The following RBP3 variants were observed in gnomAD, a reference collection of about 807,000 sequenced individuals.
The protein encoded by RBP3 is retinol-binding protein 3.
In RBP3, 50 loss-of-function variants were observed where a neutral mutation model predicts 64.8. The observed-to-expected ratio is 0.77, with a 90% CI of 0.61 to 0.98. The LOEUF is 0.98. RBP3 is among the 50% of genes least tolerant of loss of function. The pLI is 0.00. For synonymous variants in RBP3, 828 were observed against 730.2 expected (o/e 1.13, Z -2.16); for missense variants, 1,712 against 1,660.5 (o/e 1.03, Z -0.54).
Position 47,350,486 on chromosome 10 carries a change from C to G in RBP3, c.2002C>G (p.Leu668Val), listed in dbSNP as rs782017531. Residue 668 changes from leucine (L) to valine (V), a missense_variant, in exon 1 of 4, where the codon CTG (leucine) becomes GTG (valine). Leu to Val is a conservative substitution (Grantham distance 32). Transcript: ENST00000584701. ...GACCAGTGCCCTCCTGCGGGCCAAG[C>G]TGGCCCAGGGCGCCTACCGCACAGC... ...GQTSALLRAK[L>V]AQGAYRTAVD... is the part of the protein sequence containing the mutation. 1 of 1,612,572 alleles carries G rather than the reference C, an allele frequency of 6.2e-7. No homozygotes were observed. Among genetic ancestry groups the G allele is most frequent in the African/African-American group, 1.3e-5 (1 of 74,954 alleles).
Position 47,350,974 on chromosome 10 carries a change from C to T in RBP3, c.2490C>T (p.Ala830=), listed in dbSNP as rs201066117. ...AGGTGTGGACCTTGCCCCAGGTCGC[C>T]GGCCAGCGCTACGGCTCACACAAGG... ...VTEVWTLPQV[A]GQRYGSHKDL... The change falls in exon 1 of 4, where the codon GCC becomes GCT. Residue 830 remains alanine (A), a synonymous_variant. Transcript: ENST00000584701. 8.7e-5 allele frequency: 140 copies of T among 1,612,282 alleles called. No homozygotes were observed. In the East Asian group the frequency reaches 2.3e-3, roughly 27 times the overall value.
intron 1 of RBP3, 72 bp downstream of exon 1, chr10:47,351,610 C>T: frequency 1.3e-6 from 2 of 1,553,654 alleles, no homozygotes; most frequent in East Asian, 2.2e-5. Flanking sequence ...ACATGCAGGG[C>T]TCTGTGCACA....
chr10:47,355,245 G>A lies in RBP3; in HGVS notation c.3246-131G>A, dbSNP rs1555211900. ...GCCAACCCATGGAATTCTAAAGGAG[G>A]AAGAGGCACTAGACTGAGGCTGCCA... On this transcript the variant is annotated intron_variant, in intron 2 of 3. Transcript: ENST00000584701. The A allele has an allele frequency of 1.5e-5, 15 of 1,029,444 alleles. 1 individual carries two copies. In the South Asian group the frequency reaches 1.8e-4, roughly 13 times the overall value. The allele number at this position is 1,029,444 out of a possible 1,614,324, so 63.8% of individuals were successfully genotyped here. A position where few individuals can be genotyped will look rare whatever the true frequency, so the allele number is the denominator to read the frequency against.
rs1555211533 is a variant in RBP3 at position 47,351,200 on chromosome 10, G to A, written c.2716G>A (p.Ala906Thr). 6.2e-7 allele frequency: 1 copy of A among 1,613,290 alleles called. No individual in the cohort carries two copies. The highest frequency in any genetic ancestry group is 1.7e-5 in the Admixed American group (1 of 60,030). Residue 906 changes from alanine to threonine, a missense_variant, in exon 1 of 4, where the codon GCC (alanine) becomes ACC (threonine). Ala to Thr is a moderately conservative substitution (Grantham distance 58). Transcript: ENST00000584701. ...QMAMSATTGK[A>T]WDLAGVEPDI... ...GGCCATGAGTGCCACCACAGGCAAG[G>A]CCTGGGACCTGGCTGGTGTGGAGCC...
In RBP3 at chr10:47,355,532, C is replaced by G. The variant is rs782473353; in HGVS notation, c.3388+14C>G. The G allele has an allele frequency of 1.9e-6, 3 of 1,613,998 alleles. No individual in the cohort carries two copies. The highest frequency in any genetic ancestry group is 8.5e-7 in the Non-Finnish European group (1 of 1,180,006). On this transcript the variant is annotated intron_variant, in intron 3 of 3. Transcript: ENST00000584701. ...CCCAGGTTGTAGGTACGTGGAGAAGCTTTCTCCTTTCTGCTGTCATTCTAG... is the reference window on the plus strand; with the variant it reads ...CCCAGGTTGTAGGTACGTGGAGAAGGTTTCTCCTTTCTGCTGTCATTCTAG...
At chr10:47,353,053 G>C (rs1219295311) in intron 1 of RBP3, among the ~76,000 whole-genome samples, 1 of 152,126 alleles carries the variant, frequency 6.6e-6, no homozygotes, top group African/African-American at 2.4e-5. Flanking sequence ...GGTCAGAGGG[G>C]AGTCCATTCC....
In RBP3 at chr10:47,350,918, G is replaced by A; in HGVS notation, c.2434G>A (p.Val812Ile). 6.2e-7 allele frequency: 1 copy of A among 1,613,060 alleles called. No individual in the cohort carries two copies. The highest frequency in any genetic ancestry group is 1.1e-5 in the South Asian group (1 of 91,062). The change falls in exon 1 of 4, where the codon GTC becomes ATC. Residue 812 changes from valine to isoleucine, a missense_variant. Val to Ile is a conservative substitution (Grantham distance 29). Transcript: ENST00000584701. Reference protein sequence around the residue: ...EAEPRQHLYSVFDRATSKVTE... With the variant: ...EAEPRQHLYSIFDRATSKVTE... Reference sequence around the variant, plus strand: ...AGAGCCCCGCCAGCACCTGTATTCTGTCTTTGACAGGGCCACCTCAAAAGT... The same window carrying A: ...AGAGCCCCGCCAGCACCTGTATTCTATCTTTGACAGGGCCACCTCAAAAGT...
chr10:47,351,624 C>A, intron 1 of RBP3, 86 bp downstream of exon 1: 2 of 1,488,828 alleles, frequency 1.3e-6, no homozygotes, highest in Non-Finnish European at 1.9e-6. Context: ...GTGCACAGTG[C>A]GTGACAATGG....
intron 3 of RBP3, 78 bp downstream of exon 3, chr10:47,355,596 G>C (rs1837035988): frequency 2.5e-6 from 4 of 1,593,716 alleles, no homozygotes; most frequent in African/African-American, 2.7e-5. Flanking sequence ...CTTGGGTGTA[G>C]GTAAAAGTCA....
Position 47,348,390 on chromosome 10 carries a change from A to T in RBP3, c.-95A>T. Reference sequence around the variant, plus strand: ...ACCTTCTGTCCACCAGCTGAGAAGGACAAGGGCGGAAGGCAGCTGCACAGA... The same window carrying T: ...ACCTTCTGTCCACCAGCTGAGAAGGTCAAGGGCGGAAGGCAGCTGCACAGA... On this transcript the variant is annotated 5_prime_UTR_variant, in exon 1 of 4. Coordinates refer to ENST00000584701, the MANE Select transcript of RBP3 (RefSeq NM_002900.3). 7.0e-7 allele frequency: 1 copy of T among 1,419,858 alleles called. No homozygotes were observed. Among genetic ancestry groups the T allele is most frequent in the Non-Finnish European group, 9.6e-7 (1 of 1,040,118 alleles). The allele number at this position is 1,419,858 out of a possible 1,614,324, so 88.0% of individuals were successfully genotyped here.
chr10:47,350,392 G>A lies in RBP3; in HGVS notation c.1908G>A (p.Leu636=), dbSNP rs1555211367. 6.2e-7 allele frequency: 1 copy of A among 1,612,390 alleles called. No homozygotes were observed. The highest frequency in any genetic ancestry group is 1.1e-5 in the South Asian group (1 of 91,078). ...AQEVLEFHQS[L]GALVEGTGHL... ...AAGTGCTGGAGTTCCACCAAAGCCT[G>A]GGGGCCTTGGTGGAGGGCACAGGGC... Residue 636 remains leucine (L), a synonymous_variant, in exon 1 of 4, where the codon CTG becomes CTA. Coordinates refer to ENST00000584701, the MANE Select transcript of RBP3 (RefSeq NM_002900.3).
chr10:47,349,583 G>T lies in RBP3; in HGVS notation c.1099G>T (p.Asp367Tyr). 6.2e-7 allele frequency: 1 copy of T among 1,612,984 alleles called. No homozygotes were observed. Among genetic ancestry groups the T allele is most frequent in the African/African-American group, 1.3e-5 (1 of 75,028 alleles). ...CTTCTCCACGGTGGTCTCCGAGGAAGATCTGGTCACCAAGCTCAATGCCGG... is the reference window on the plus strand; with the variant it reads ...CTTCTCCACGGTGGTCTCCGAGGAATATCTGGTCACCAAGCTCAATGCCGG... ...MDFSTVVSEE[D>Y]LVTKLNAGLQ... is the part of the protein sequence containing the mutation. Residue 367 changes from aspartate to tyrosine, a missense_variant, in exon 1 of 4, where the codon GAT becomes TAT. Asp to Tyr is a radical substitution (Grantham distance 160). Coordinates refer to ENST00000584701, the MANE Select transcript of RBP3 (RefSeq NM_002900.3).
In RBP3 at chr10:47,349,471, A is replaced by G; in HGVS notation, c.987A>G (p.Val329=). 1 of 1,612,828 alleles carries G rather than the reference A, an allele frequency of 6.2e-7. No individual in the cohort carries two copies. ...CTCTGCGCAGCGCCCTTCCAGGGGTAGTCCACTGCCTCCAGGAGGTCCTGA... is the reference window on the plus strand; with the variant it reads ...CTCTGCGCAGCGCCCTTCCAGGGGTGGTCCACTGCCTCCAGGAGGTCCTGA... ...ILTLRSALPG[V]VHCLQEVLKD... Residue 329 remains valine (V), a synonymous_variant, in exon 1 of 4, where the codon GTA becomes GTG. Coordinates refer to ENST00000584701, the MANE Select transcript of RBP3 (RefSeq NM_002900.3).
At position 47,351,448 on chromosome 10, in the gene RBP3, C is replaced by T. The variant is rs574222714; in HGVS notation, c.2964C>T (p.Asp988=). Residue 988 remains aspartate, a synonymous_variant, in exon 1 of 4, where the codon GAC becomes GAT. Coordinates refer to ENST00000584701, the MANE Select transcript of RBP3 (RefSeq NM_002900.3). ...CCCTAGCCGAGATCCTGGGGGCTGA[C>T]CTGCAGATGCTCTCCGGAGACCCAC... The part of the protein sequence containing the change: ...EVALAEILGA[D]LQMLSGDPHL... 6.2e-7 allele frequency: 1 copy of T among 1,613,812 alleles called. No homozygotes were observed. Among genetic ancestry groups the T allele is most frequent in the East Asian group, 2.2e-5 (1 of 44,870 alleles).
At position 47,351,489 on chromosome 10, in the gene RBP3, A is replaced by T. The variant is rs1555211587; in HGVS notation, c.3005A>T (p.His1002Leu). ...GGAGACCCACACCTGAAGGCAGCCCATATCCCTGAGAATGCCAAGGACCGC... is the reference window on the plus strand; with the variant it reads ...GGAGACCCACACCTGAAGGCAGCCCTTATCCCTGAGAATGCCAAGGACCGC... ...LSGDPHLKAAHIPENAKDRIP... is the reference protein window; with the variant it reads ...LSGDPHLKAALIPENAKDRIP... Residue 1002 changes from histidine to leucine, a missense_variant, in exon 1 of 4, where the codon CAT (histidine) becomes CTT (leucine). Transcript: ENST00000584701. 1.2e-6 allele frequency: 2 copies of T among 1,613,864 alleles called. No homozygotes were observed. The highest frequency in any genetic ancestry group is 3.3e-5 in the Admixed American group (2 of 60,030).
chr10:47,350,124 C>T lies in RBP3; in HGVS notation c.1640C>T (p.Thr547Met), dbSNP rs373846965. The T allele has an allele frequency of 4.0e-5, 65 of 1,613,054 alleles. No homozygotes were observed. The highest frequency in any genetic ancestry group is 2.0e-4 in the East Asian group (9 of 44,886). Residue 547 changes from threonine to methionine, a missense_variant, in exon 1 of 4, where the codon ACG (threonine) becomes ATG (methionine). Transcript: ENST00000584701. ...VYLLTSHRTA[T>M]AAEEFAFLMQ... ...CTGCTCACCAGCCACCGCACCGCCACGGCCGCGGAGGAGTTCGCCTTCCTT... is the reference window on the plus strand; with the variant it reads ...CTGCTCACCAGCCACCGCACCGCCATGGCCGCGGAGGAGTTCGCCTTCCTT...
rs1423548623 is a variant in RBP3 at position 47,357,117 on chromosome 10, C to G, written c.3404C>G (p.Ser1135Cys). 3 of 1,611,664 alleles carry G rather than the reference C, an allele frequency of 1.9e-6. No homozygotes were observed. The highest frequency in any genetic ancestry group is 2.5e-6 in the Non-Finnish European group (3 of 1,179,948). The change falls in exon 4 of 4, where the codon TCC (serine) becomes TGC (cysteine). Residue 1135 changes from serine to cysteine, a missense_variant. Physicochemically the swap from Ser to Cys is moderately radical, Grantham distance 112. Coordinates refer to ENST00000584701, the MANE Select transcript of RBP3 (RefSeq NM_002900.3). ...TGTCTTCCAGGTGAACGCTATGGCT[C>G]CAAGAAGAGCATGGTCATTCTGACC... Reference protein sequence around the residue: ...HAQVVGERYGSKKSMVILTSS... With the variant: ...HAQVVGERYGCKKSMVILTSS...
At position 47,349,836 on chromosome 10, in the gene RBP3, C is replaced by A; in HGVS notation, c.1352C>A (p.Ser451Tyr). The A allele has an allele frequency of 2.5e-6, 4 of 1,613,224 alleles. No individual in the cohort carries two copies. Among genetic ancestry groups the A allele is most frequent in the Non-Finnish European group, 3.4e-6 (4 of 1,180,024 alleles). Reference protein sequence around the residue: ...YLRFDSFADASVLGVLAPYVL... With the variant: ...YLRFDSFADAYVLGVLAPYVL... ...CGCTTCGATAGTTTTGCTGACGCCT[C>A]CGTCCTGGGTGTGTTGGCCCCATAT... The change falls in exon 1 of 4, where the codon TCC (serine) becomes TAC (tyrosine). Residue 451 changes from serine (S) to tyrosine (Y), a missense_variant. Physicochemically the swap from Ser to Tyr is moderately radical, Grantham distance 144. Transcript: ENST00000584701.
rs782052263 is a variant in RBP3 at position 47,348,685 on chromosome 10, G to A, written c.201G>A (p.Pro67=). 20 of 1,613,464 alleles carry A rather than the reference G, an allele frequency of 1.2e-5. 1 individual carries two copies. Among genetic ancestry groups the A allele is most frequent in the Admixed American group, 8.3e-5 (5 of 60,002 alleles). ...ATGAGATTCTGAGCATCTCAGACCC[G>A]CAGACGCTGGCCAGTGTGCTGACAG... ...KSHEILSISD[P]QTLASVLTAG... The change falls in exon 1 of 4, where the codon CCG becomes CCA. Residue 67 remains proline, a synonymous_variant. Transcript: ENST00000584701.
Sources: allele counts gnomAD v4.1 joint callset (sites outside exome capture counted in the v4.1 genomes callset), GRCh38; gene constraint gnomAD v4.1.1; transcripts MANE v1.5; gene names NCBI Gene and HGNC (gene_info 2026-07-23, HGNC 2026-07-21).